Variants in CNTNAP5 observed in about 807,000 individuals in gnomAD.
The protein encoded by CNTNAP5 is contactin-associated protein-like 5.
CNTNAP5 carries 72 observed loss-of-function variants against 150.2 expected under a neutral mutation model. The observed-to-expected ratio is 0.48, with a 90% CI of 0.40 to 0.58. The LOEUF is 0.58. Ranked by LOEUF, CNTNAP5 falls within the 20% of genes least tolerant of loss-of-function variation. CNTNAP5 has a pLI of 0.00. For synonymous variants in CNTNAP5, 672 were observed against 619.8 expected (o/e 1.08, Z -1.25); for missense variants, 1,636 against 1,626.2 (o/e 1.01, Z -0.10).
chr2:124,404,046 A>T (rs2104761496), intron 3 of CNTNAP5, among the ~76,000 whole-genome samples: 1 of 152,262 alleles, frequency 6.6e-6, no homozygotes, highest in Non-Finnish European at 1.5e-5. Context: ...ACATTTCAAG[A>T]TGAGATTTTG....
At chr2:124,267,522 T>C (rs988200905) in intron 3 of CNTNAP5, among the ~76,000 whole-genome samples, 10 of 152,136 alleles carry the variant, frequency 6.6e-5, no homozygotes, top group African/African-American at 2.4e-4. Context: ...AGTGTAAATA[T>C]GCATATGGCC....
At chr2:124,336,639 C>A (rs1689479155) in intron 3 of CNTNAP5, among the ~76,000 whole-genome samples, 2 of 150,342 alleles carry the variant, frequency 1.3e-5, no homozygotes, top group African/African-American at 4.9e-5. Context: ...GTTTTTTGTC[C>A]TTGCGATAGT....
intron 13 of CNTNAP5, among the ~76,000 whole-genome samples, chr2:124,654,381 A>G (rs967196566): frequency 2.6e-5 from 4 of 152,240 alleles, no homozygotes; most frequent in Non-Finnish European, 4.4e-5. Flanking sequence ...TGCTAAGCAC[A>G]TAGACATTTT....
chr2:124,843,748 T>A (rs1233810532), intron 19 of CNTNAP5, among the ~76,000 whole-genome samples: 1 of 152,134 alleles, frequency 6.6e-6, no homozygotes, highest in Non-Finnish European at 1.5e-5. Flanking sequence ...TACATTTCCC[T>A]GATAATTAGT....
intron 7 of CNTNAP5, among the ~76,000 whole-genome samples, chr2:124,492,551 T>G (rs1694054882): frequency 6.6e-6 from 1 of 152,198 alleles, no homozygotes; most frequent in African/African-American, 2.4e-5. Context: ...TTACTTTGGC[T>G]ATTTGAAGTC....
intron 21 of CNTNAP5, among the ~76,000 whole-genome samples, chr2:124,881,615 A>T (rs1014107640): frequency 2.0e-5 from 3 of 151,982 alleles, no homozygotes; most frequent in African/African-American, 7.2e-5. Flanking sequence ...AGAGAAGTGG[A>T]TTGGATTGCT....
intron 1 of CNTNAP5, among the ~76,000 whole-genome samples, chr2:124,135,569 C>T (rs1683956376): frequency 6.6e-6 from 1 of 152,198 alleles, no homozygotes; most frequent in African/African-American, 2.4e-5. Context: ...TTACATTAAT[C>T]AAACAAGTGT....
chr2:124,597,142 A>G (rs1293758397), intron 11 of CNTNAP5, among the ~76,000 whole-genome samples: 5 of 149,070 alleles, frequency 3.4e-5, no homozygotes, highest in Non-Finnish European at 7.5e-5. Context: ...GTCCATTTAC[A>G]TTTAAAGTTA....
intron 9 of CNTNAP5, among the ~76,000 whole-genome samples, chr2:124,525,316 GA>G (rs1694938890): frequency 6.6e-6 from 1 of 152,172 alleles, no homozygotes; most frequent in South Asian, 2.1e-4. Context: ...GAAACACGGG[GA>G]AATAAGCTCA....
chr2:124,844,434 G>A (rs988689051), intron 19 of CNTNAP5, among the ~76,000 whole-genome samples: 9 of 152,044 alleles, frequency 5.9e-5, no homozygotes, highest in African/African-American at 2.2e-4. Flanking sequence ...ATAATTTTAA[G>A]TCAGGTAATG....
chr2:124,764,575 G>A (rs1681028269), intron 16 of CNTNAP5, among the ~76,000 whole-genome samples: 1 of 152,114 alleles, frequency 6.6e-6, no homozygotes, highest in Non-Finnish European at 1.5e-5. Flanking sequence ...CACACTAGGA[G>A]CGTGTGACTA....
At chr2:124,649,839 A>G (rs1408231911) in intron 13 of CNTNAP5, among the ~76,000 whole-genome samples, 3 of 152,204 alleles carry the variant, frequency 2.0e-5, no homozygotes, top group African/African-American at 4.8e-5. Context: ...TAGGTATTCA[A>G]CAAATACTGG....
chr2:124,816,916 C>T (rs757270610), intron 19 of CNTNAP5, among the ~76,000 whole-genome samples: 5 of 152,150 alleles, frequency 3.3e-5, no homozygotes, highest in African/African-American at 7.2e-5. Flanking sequence ...ATCACATCAT[C>T]GTTGCCATAT....
intron 11 of CNTNAP5, among the ~76,000 whole-genome samples, chr2:124,591,813 C>T (rs1363525796): frequency 1.3e-5 from 2 of 152,130 alleles, no homozygotes; most frequent in Non-Finnish European, 2.9e-5. Context: ...GTAAAACCAA[C>T]AAAATAAGTC....
At chr2:124,609,692 G>A in intron 11 of CNTNAP5, 109 bp from the exon 12 acceptor site, 1 of 1,212,362 alleles carries the variant, frequency 8.2e-7, no homozygotes, top group Non-Finnish European at 1.1e-6. Context: ...GGATATAGAA[G>A]GAGGGAAATG....
chr2:124,809,347 G>A lies in CNTNAP5; in HGVS notation c.3217+11027G>A, dbSNP rs550486798. On this transcript the variant is annotated intron_variant, in intron 19 of 23. Transcript: ENST00000682447. ...ACAACATAATATCTTCAGCTAGATA[G>A]GATAATATATAAACCCATAAAACAA... 3.9e-5 allele frequency among the ~76,000 whole-genome samples: 6 copies of A among 151,948 alleles called. No homozygotes were observed. In the East Asian group the frequency reaches 7.7e-4, roughly 20 times the overall value.
intron 13 of CNTNAP5, among the ~76,000 whole-genome samples, chr2:124,667,175 A>C (rs973038986): frequency 6.6e-6 from 1 of 152,172 alleles, no homozygotes; most frequent in Non-Finnish European, 1.5e-5. Context: ...GACTGCATGC[A>C]ATTTGAATGC....
At chr2:124,752,257 G>T (rs557537297) in intron 14 of CNTNAP5, among the ~76,000 whole-genome samples, 7 of 152,164 alleles carry the variant, frequency 4.6e-5, no homozygotes, top group African/African-American at 9.6e-5. Context: ...TTCTCACTTT[G>T]TTGCCCAGGC....
chr2:124,466,869 A>G (rs1024192218), intron 6 of CNTNAP5, among the ~76,000 whole-genome samples: 3 of 152,196 alleles, frequency 2.0e-5, no homozygotes, highest in Non-Finnish European at 4.4e-5. Context: ...ATAATGAAAT[A>G]TTCTAGAGTA....
Sources: gnomAD v4.1 joint callset for allele counts (sites outside exome capture counted in the v4.1 genomes callset) on GRCh38, gnomAD v4.1.1 for gene constraint, MANE v1.5 for transcripts, NCBI Gene and HGNC (gene_info 2026-07-23, HGNC 2026-07-21) for gene names.